Variants in SH3TC2 observed in about 807,000 individuals in gnomAD.
The protein encoded by SH3TC2 is SH3 domain and tetratricopeptide repeat-containing protein 2.
SH3TC2 carries 87 observed loss-of-function variants against 124.5 expected under a neutral mutation model. The observed-to-expected ratio is 0.70, with a 90% confidence interval of 0.59 to 0.84. The LOEUF (loss-of-function observed/expected upper bound fraction) is 0.84, where lower values mean the gene tolerates loss of function less well. SH3TC2 is among the 40% of genes least tolerant of loss of function. The pLI, the probability that SH3TC2 is intolerant of heterozygous loss-of-function variation, is 0.00. For synonymous variants in SH3TC2, 634 were observed against 628.5 expected (o/e 1.01, Z -0.13); for missense variants, 1,536 against 1,566.4 (o/e 0.98, Z 0.33).
chr5:148,997,999 G>A lies in SH3TC2; in HGVS notation c.*6712C>T, dbSNP rs1256303776. ...TAATACATAGAAAAGAACAAAGGCTGGAGCCCTCCTGCACTTTTTTAGAGA... is the reference window on the plus strand; with the variant it reads ...TAATACATAGAAAAGAACAAAGGCTAGAGCCCTCCTGCACTTTTTTAGAGA... On this transcript the variant is annotated 3_prime_UTR_variant, in exon 17 of 17. Transcript: ENST00000515425. Among the ~76,000 whole-genome samples, 2 of 152,144 alleles carry A rather than the reference G, an allele frequency of 1.3e-5. No homozygotes were observed. Among genetic ancestry groups the A allele is most frequent in the Admixed American group, 6.5e-5 (1 of 15,280 alleles).
chr5:149,036,217 T>C (rs1289077060), intron 8 of SH3TC2, among the ~76,000 whole-genome samples: 1 of 152,214 alleles, frequency 6.6e-6, no homozygotes, highest in Non-Finnish European at 1.5e-5. Flanking sequence ...TGCACTCACA[T>C]GGTCATGAAT....
At position 148,993,952 on chromosome 5, in the gene SH3TC2, C is replaced by T. The variant is rs199708565; in HGVS notation, c.*10759G>A. 3.3e-5 allele frequency among the ~76,000 whole-genome samples: 5 copies of T among 152,298 alleles called. No homozygotes were observed. In the East Asian group the frequency reaches 7.7e-4, roughly 23 times the overall value. On this transcript the variant is annotated 3_prime_UTR_variant, in exon 17 of 17. Transcript: ENST00000515425. ...CTTTACATATATTCACACATTTGATCCACACAACAATCCCATGAGATAAGT... is the reference window on the plus strand; with the variant it reads ...CTTTACATATATTCACACATTTGATTCACACAACAATCCCATGAGATAAGT...
chr5:149,061,026 A>G (rs969048846), intron 1 of SH3TC2, among the ~76,000 whole-genome samples: 7 of 152,102 alleles, frequency 4.6e-5, no homozygotes, highest in Non-Finnish European at 1.0e-4. Context: ...ACCAATATCA[A>G]CCTCGCTAGG....
intron 12 of SH3TC2, among the ~76,000 whole-genome samples, chr5:149,017,117 T>C (rs996705054): frequency 1.3e-5 from 2 of 152,196 alleles, no homozygotes; most frequent in Non-Finnish European, 2.9e-5. Context: ...TAGTGGCTAT[T>C]TATACGTTTA....
chr5:148,992,001 C>T lies in SH3TC2; in HGVS notation c.*12710G>A, dbSNP rs537800973. Among the ~76,000 whole-genome samples the T allele has an allele frequency of 4.1e-4, 63 of 152,310 alleles. No individual in the cohort carries two copies. The highest frequency in any genetic ancestry group is 7.2e-4 in the Non-Finnish European group (49 of 68,022). On this transcript the variant is annotated 3_prime_UTR_variant, in exon 17 of 17. Transcript: ENST00000515425. Reference sequence around the variant, plus strand: ...GGGTAAGGCTTTCCCTTTTCTGGTTCACTTTTCATATAATAACAACAGAGC... The same window carrying T: ...GGGTAAGGCTTTCCCTTTTCTGGTTTACTTTTCATATAATAACAACAGAGC...
Position 148,983,776 on chromosome 5 carries a change from G to C in SH3TC2, c.*20935C>G, listed in dbSNP as rs769773057. Among the ~76,000 whole-genome samples, 89 of 152,264 alleles carry C rather than the reference G, an allele frequency of 5.8e-4. No homozygotes were observed. Among genetic ancestry groups the C allele is most frequent in the Non-Finnish European group, 9.4e-4 (64 of 68,012 alleles). ...TCCAGAGCTTTTGTCCAAAGTGCTA[G>C]GGAATAAGACACTCTTTTTTCTGTT... On this transcript the variant is annotated 3_prime_UTR_variant, in exon 17 of 17. Transcript: ENST00000515425.
intron 9 of SH3TC2, among the ~76,000 whole-genome samples, chr5:149,029,279 C>T (rs1476662528): frequency 6.6e-6 from 1 of 152,164 alleles, no homozygotes; most frequent in Non-Finnish European, 1.5e-5. Context: ...GTAAAAGTGG[C>T]AGGGGCGAGG....
rs1231618380 is a variant in SH3TC2, at chr5:149,031,570, T to C, written c.1119A>G (p.Thr373=). 1.2e-6 allele frequency: 2 copies of C among 1,614,168 alleles called. No homozygotes were observed. Among genetic ancestry groups the C allele is most frequent in the South Asian group, 1.1e-5 (1 of 91,080 alleles). ...FLHTLARTDI[T]SVYRLSGFES... ...AACACTCACTGAGCCGGTAGACAGATGTGATGTCAGTGCGAGCAAGAGTGT... is the reference window on the plus strand; with the variant it reads ...AACACTCACTGAGCCGGTAGACAGACGTGATGTCAGTGCGAGCAAGAGTGT... The change falls in exon 9 of 17, where the codon ACA becomes ACG. Residue 373 remains threonine, a synonymous_variant. Coordinates refer to ENST00000515425, the MANE Select transcript of SH3TC2 (RefSeq NM_024577.4).
chr5:149,009,039 G>A, intron 14 of SH3TC2, 38 bp from the exon 15 acceptor site: 1 of 1,613,968 alleles, frequency 6.2e-7, no homozygotes, highest in African/African-American at 1.3e-5. Flanking sequence ...GTCTAGCTAG[G>A]AATCCTCAGT....
rs1293808777 is a variant in SH3TC2, at chr5:149,001,790, C to T, written c.*2921G>A. On this transcript the variant is annotated 3_prime_UTR_variant, in exon 17 of 17. Coordinates refer to ENST00000515425, the MANE Select transcript of SH3TC2 (RefSeq NM_024577.4). ...TCAGATTTATAGGTAAATCAAAGTG[C>T]ACAGAATTGGGAAATTTTAGCTAAA... is the stretch of plus-strand genomic sequence containing the variant. 6.6e-6 allele frequency: 1 copy of T among 152,036 alleles called. No homozygotes were observed. Among genetic ancestry groups the T allele is most frequent in the Non-Finnish European group, 1.5e-5 (1 of 68,016 alleles). 9.4% of individuals were successfully genotyped at this position (152,036 alleles called of 1,614,324 possible).
intron 1 of SH3TC2, among the ~76,000 whole-genome samples, chr5:149,059,318 C>A (rs1391574139): frequency 6.6e-6 from 1 of 152,088 alleles, no homozygotes; most frequent in Non-Finnish European, 1.5e-5. Flanking sequence ...GACCTCAGAA[C>A]TCTAAAGTCT....
Position 149,001,528 on chromosome 5 carries a change from T to C in SH3TC2, c.*3183A>G, listed in dbSNP as rs192997116. ...AATCCAATCACCACTTTACTCTCTG[T>C]GGATCATGAAAAAAAGACAGCATCA... is the stretch of plus-strand genomic sequence containing the variant. On this transcript the variant is annotated 3_prime_UTR_variant, in exon 17 of 17. Transcript: ENST00000515425. The C allele has an allele frequency of 6.6e-6, 1 of 152,296 alleles. No individual in the cohort carries two copies. The highest frequency in any genetic ancestry group is 1.9e-4 in the East Asian group (1 of 5,182). The allele number at this position is 152,296 out of a possible 1,614,324, so 9.4% of individuals were successfully genotyped here. A position where few individuals can be genotyped will look rare whatever the true frequency, so the allele number is the denominator to read the frequency against.
At chr5:149,020,082 G>A (rs1753942686) in intron 12 of SH3TC2, among the ~76,000 whole-genome samples, 1 of 148,432 alleles carries the variant, frequency 6.7e-6, no homozygotes, top group Non-Finnish European at 1.5e-5. Flanking sequence ...CTTAGGTGGT[G>A]AAAACATGTG....
At position 149,028,262 on chromosome 5, in the gene SH3TC2, G is replaced by A; in HGVS notation, c.1470C>T (p.Ser490=). 1 of 1,613,980 alleles carries A rather than the reference G, an allele frequency of 6.2e-7. No homozygotes were observed. Among genetic ancestry groups the A allele is most frequent in the South Asian group, 1.1e-5 (1 of 91,080 alleles). ...AAAAGGAAGAAGTGAGGAAAGAGAA[G>A]GAGAAGTCATAGAGACTCTTAAAGT... ...ADHFKSLYDF[S]FSFLTSSFYS... The change falls in exon 11 of 17, where the codon TCC becomes TCT. Residue 490 remains serine (S), a synonymous_variant. Coordinates refer to ENST00000515425, the MANE Select transcript of SH3TC2 (RefSeq NM_024577.4).
In SH3TC2 at chr5:149,006,876, C is replaced by G. The variant is rs1302647300; in HGVS notation, c.3675+5G>C. On this transcript the variant is annotated splice_donor_5th_base_variant and intron_variant, in intron 16 of 16. Coordinates refer to ENST00000515425, the MANE Select transcript of SH3TC2 (RefSeq NM_024577.4). The stretch of plus-strand genomic sequence containing the variant: ...GTCAGGAAATCTGGGAAGTCTGGCT[C>G]TTACCTTCAGCTGGCAGAAGGTGAG... 4.3e-6 allele frequency: 7 copies of G among 1,613,058 alleles called. No homozygotes were observed. In the African/African-American group the frequency reaches 9.3e-5, roughly 22 times the overall value.
chr5:149,006,751 G>C, intron 16 of SH3TC2, 130 bp downstream of exon 16: 1 of 943,274 alleles, frequency 1.1e-6, no homozygotes. Flanking sequence ...CTCACCCTAT[G>C]AGACAAGACT....
At chr5:149,062,406 C>T (rs1441513852) in intron 1 of SH3TC2, 2 of 531,320 alleles carry the variant, frequency 3.8e-6, no homozygotes, top group Non-Finnish European at 7.7e-6. Context: ...GGCTGGTCAC[C>T]CTAAGTCACT....
At chr5:149,035,063 T>G (rs779272024) in intron 8 of SH3TC2, among the ~76,000 whole-genome samples, 1 of 152,154 alleles carries the variant, frequency 6.6e-6, no homozygotes, top group African/African-American at 2.4e-5. Context: ...AGTGGACAAC[T>G]TGCTGTCAAT....
chr5:149,005,167 T>C (rs534162139), intron 16 of SH3TC2, among the ~76,000 whole-genome samples: 46 of 152,256 alleles, frequency 3.0e-4, no homozygotes, highest in African/African-American at 9.6e-4. Context: ...TGAAACATCA[T>C]TGCCCTGGGC....
Sources: gnomAD v4.1 joint callset for allele counts (sites outside exome capture counted in the v4.1 genomes callset) on GRCh38, gnomAD v4.1.1 for gene constraint, MANE v1.5 for transcripts, NCBI Gene and HGNC (gene_info 2026-07-23, HGNC 2026-07-21) for gene names.